Variants in ADAM22 observed in about 807,000 individuals in gnomAD.
The protein encoded by ADAM22 is disintegrin and metalloproteinase domain-containing protein 22.
ADAM22 carries 65 observed loss-of-function variants against 144.6 expected under a neutral mutation model. The ratio of observed to expected loss-of-function variants is 0.45; its 90% CI spans 0.37 to 0.55. ADAM22 has a LOEUF of 0.55. ADAM22 is among the 20% of genes least tolerant of loss of function. ADAM22 has a pLI of 0.00. For synonymous variants in ADAM22, 391 were observed against 412.6 expected (o/e 0.95, Z 0.63); for missense variants, 974 against 1,184.9 (o/e 0.82, Z 2.61).
intron 3 of ADAM22, among the ~76,000 whole-genome samples, chr7:87,995,298 A>C (rs1285976643): frequency 1.3e-5 from 2 of 152,108 alleles, no homozygotes; most frequent in Non-Finnish European, 2.9e-5. Flanking sequence ...TTTCCTTTTG[A>C]TATCCCTTTC....
At chr7:87,995,736 C>G (rs1791026842) in intron 3 of ADAM22, among the ~76,000 whole-genome samples, 1 of 152,168 alleles carries the variant, frequency 6.6e-6, no homozygotes, top group African/African-American at 2.4e-5. Context: ...ATGACATTCA[C>G]CTGCTATAGT....
At chr7:88,082,596 A>T (rs971209765) in intron 4 of ADAM22, among the ~76,000 whole-genome samples, 43 of 152,344 alleles carry the variant, frequency 2.8e-4, no homozygotes, top group African/African-American at 1.0e-3. Context: ...CATCTGACAA[A>T]GGGCTAATAT....
chr7:88,086,884 G>T (rs1818580095), intron 4 of ADAM22, among the ~76,000 whole-genome samples: 1 of 152,166 alleles, frequency 6.6e-6, no homozygotes, highest in African/African-American at 2.4e-5. Context: ...ATAGGCTTTA[G>T]TTAATCAGTA....
chr7:87,998,329 A>G (rs760312138), intron 3 of ADAM22, among the ~76,000 whole-genome samples: 30 of 152,176 alleles, frequency 2.0e-4, no homozygotes, highest in Non-Finnish European at 4.0e-4. Context: ...TTGACACTCA[A>G]TATCACAGGG....
chr7:88,083,587 TTGTGTGTGTGTGTGTGTG>T (rs35145003), intron 4 of ADAM22, among the ~76,000 whole-genome samples: 17 of 126,742 alleles, frequency 1.3e-4, no homozygotes, highest in African/African-American at 2.4e-4. Flanking sequence ...TACTTTGTGT[TTGTGTGTGTGTGTGTGTG>T]TGTGTGTGTG....
At chr7:87,962,650 G>A (rs1474555208) in intron 2 of ADAM22, among the ~76,000 whole-genome samples, 1 of 150,964 alleles carries the variant, frequency 6.6e-6, no homozygotes, top group Non-Finnish European at 1.5e-5. Context: ...GAATCTTGCT[G>A]TGTTGCTTAG....
In ADAM22 at chr7:88,029,761, GT is replaced by G. The variant is rs559222050; in HGVS notation, c.324-45855del. Among the ~76,000 whole-genome samples, 41 of 149,320 alleles carry G rather than the reference GT, an allele frequency of 2.7e-4. No individual in the cohort carries two copies. The South Asian group carries it at 7.6e-3, about 28-fold the overall frequency. On this transcript the variant is annotated intron_variant, in intron 3 of 31. Coordinates refer to ENST00000413139, the MANE Select transcript of ADAM22 (RefSeq NM_001324418.2). The stretch of plus-strand genomic sequence containing the variant: ...CTGGATATACTATTCTGGGGTAAAA[GT>G]TTTTTTTTTCTTTCAGAGTTTTAAA...
At chr7:88,195,611 G>A (rs575571207) in intron 31 of ADAM22, among the ~76,000 whole-genome samples, 1 of 152,128 alleles carries the variant, frequency 6.6e-6, no homozygotes. Flanking sequence ...CGCCTCCCGG[G>A]TTCACGCCAT....
chr7:88,148,501 A>G (rs1313640162), intron 17 of ADAM22, among the ~76,000 whole-genome samples: 1 of 152,194 alleles, frequency 6.6e-6, no homozygotes, highest in Non-Finnish European at 1.5e-5. Context: ...AAATCCATGT[A>G]AAAATGAGGC....
chr7:88,007,121 G>T (rs1389974710), intron 3 of ADAM22, among the ~76,000 whole-genome samples: 1 of 151,844 alleles, frequency 6.6e-6, no homozygotes. Context: ...GACAGAGAGT[G>T]AAATCATGAG....
chr7:88,117,334 G>T (rs1337880539), intron 7 of ADAM22, among the ~76,000 whole-genome samples: 1 of 152,202 alleles, frequency 6.6e-6, no homozygotes, highest in African/African-American at 2.4e-5. Context: ...GATTACTTAT[G>T]ATTTACTATA....
chr7:87,982,110 T>C (rs1637491), intron 3 of ADAM22, among the ~76,000 whole-genome samples: 63,385 of 110,162 alleles, frequency 0.58, 14,698 homozygotes, highest in Non-Finnish European at 0.59. Flanking sequence ...CACACACACA[T>C]GCATACACAA....
chr7:88,079,977 C>T (rs1350289442), intron 4 of ADAM22, among the ~76,000 whole-genome samples: 1 of 152,174 alleles, frequency 6.6e-6, no homozygotes, highest in Non-Finnish European at 1.5e-5. Context: ...GAATTGAATT[C>T]AGCTCTGCAC....
intron 3 of ADAM22, among the ~76,000 whole-genome samples, chr7:88,022,057 T>A (rs1563045573): frequency 6.6e-6 from 1 of 151,686 alleles, no homozygotes; most frequent in Non-Finnish European, 1.5e-5. Context: ...ATTTTTTATT[T>A]TTATTTTTAT....
At chr7:88,125,829 G>A (rs1345070087) in intron 8 of ADAM22, among the ~76,000 whole-genome samples, 170 bp downstream of exon 8, 1 of 152,010 alleles carries the variant, frequency 6.6e-6, no homozygotes, top group South Asian at 2.1e-4. Context: ...AGGGGGCCAT[G>A]TTGTTTCACA....
intron 14 of ADAM22, among the ~76,000 whole-genome samples, chr7:88,137,217 G>A (rs117136970): frequency 0.02 from 2,990 of 152,198 alleles, 22 homozygotes; most frequent in Non-Finnish European, 0.029. Flanking sequence ...TTATCAATAT[G>A]TTTGTGAGAT....
In ADAM22 at chr7:88,035,585, G is replaced by A. The variant is rs184996209; in HGVS notation, c.324-40041G>A. The stretch of plus-strand genomic sequence containing the variant: ...GTATTTTTTTAAAAATTGGATGGTT[G>A]CATCTGTTCTGAACATGTATTGATT... On this transcript the variant is annotated intron_variant, in intron 3 of 31. Coordinates refer to ENST00000413139, the MANE Select transcript of ADAM22 (RefSeq NM_001324418.2). Among the ~76,000 whole-genome samples, 407 of 152,318 alleles carry A rather than the reference G, an allele frequency of 2.7e-3. 5 individuals carry two copies. The highest frequency in any genetic ancestry group is 9.3e-3 in the African/African-American group (385 of 41,560).
intron 3 of ADAM22, among the ~76,000 whole-genome samples, chr7:88,061,977 G>A (rs1439484580): frequency 6.6e-6 from 1 of 151,634 alleles, no homozygotes; most frequent in African/African-American, 2.4e-5. Context: ...AAATAGCTTG[G>A]ACTACAGGTG....
At chr7:87,993,804 GGT>G (rs1325487639) in intron 3 of ADAM22, among the ~76,000 whole-genome samples, 1 of 152,142 alleles carries the variant, frequency 6.6e-6, no homozygotes. Context: ...GACTCCAATA[GGT>G]GGTATTTTAG....
Sources: allele counts gnomAD v4.1 joint callset (sites outside exome capture counted in the v4.1 genomes callset), GRCh38; gene constraint gnomAD v4.1.1; transcripts MANE v1.5; gene names NCBI Gene and HGNC (gene_info 2026-07-23, HGNC 2026-07-21).